Variants in FARS2 observed in about 807,000 individuals in gnomAD.
FARS2 encodes the protein phenylalanine--tRNA ligase, mitochondrial.
Under a neutral mutation model 46.4 loss-of-function variants are expected in FARS2, and 40 were observed. The observed-to-expected ratio is 0.86, with a 90% CI of 0.67 to 1.12. The LOEUF (loss-of-function observed/expected upper bound fraction) is 1.12. Ranked by LOEUF, FARS2 falls within the 50% of genes most tolerant of loss-of-function variation. The pLI, the probability that FARS2 is intolerant of heterozygous loss-of-function variation, is 0.00. For missense variants in FARS2, 513 were observed against 567.9 expected (o/e 0.90, Z 0.98); for synonymous variants, 234 against 214.9 (o/e 1.09, Z -0.78).
chr6:5,405,157 A>G (rs1325903266), intron 3 of FARS2, among the ~76,000 whole-genome samples: 1 of 152,034 alleles, frequency 6.6e-6, no homozygotes, highest in African/African-American at 2.4e-5. Context: ...CTAAACACGA[A>G]ATTCATTTGT....
intron 6 of FARS2, among the ~76,000 whole-genome samples, chr6:5,719,532 G>A (rs1759752763): frequency 6.6e-6 from 1 of 152,092 alleles, no homozygotes; most frequent in African/African-American, 2.4e-5. Context: ...GTGGGATTTT[G>A]AAAGCGGGAG....
intron 5 of FARS2, among the ~76,000 whole-genome samples, chr6:5,577,076 A>G (rs1773030071): frequency 9.8e-6 from 1 of 101,806 alleles, no homozygotes; most frequent in Non-Finnish European, 2.3e-5. Flanking sequence ...TACCAGAAAG[A>G]GACTGTAAAA....
chr6:5,333,212 C>T (rs1770922501), intron 1 of FARS2, among the ~76,000 whole-genome samples: 1 of 151,150 alleles, frequency 6.6e-6, no homozygotes, highest in Admixed American at 6.6e-5. Context: ...TTTGGTCTTA[C>T]TTGAAATAGA....
rs562509783 is a variant in FARS2 at position 5,591,565 on chromosome 6, T to A, written c.1066-21604T>A. On this transcript the variant is annotated intron_variant, in intron 5 of 6. Coordinates refer to ENST00000274680, the MANE Select transcript of FARS2 (RefSeq NM_006567.5). Reference sequence around the variant, plus strand: ...GTCCACTCGGATGACCTGTTGTGTTTCACATTCGACATAAAACTCATTCAT... The same window carrying A: ...GTCCACTCGGATGACCTGTTGTGTTACACATTCGACATAAAACTCATTCAT... 7.9e-5 allele frequency among the ~76,000 whole-genome samples: 12 copies of A among 152,362 alleles called. No individual in the cohort carries two copies. In the East Asian group the frequency reaches 1.9e-3, roughly 24 times the overall value.
rs146321509 is a variant in FARS2, at chr6:5,542,698, C to G, written c.905-2482C>G. On this transcript the variant is annotated intron_variant, in intron 4 of 6. Transcript: ENST00000274680. The stretch of plus-strand genomic sequence containing the variant: ...AATATTGGTTTATTGTAAAAAACTA[C>G]CAAACTGTTTTTGAAACTACCAAAG... Among the ~76,000 whole-genome samples, 396 of 152,270 alleles carry G rather than the reference C, an allele frequency of 2.6e-3. 3 individuals carry two copies. Among genetic ancestry groups the G allele is most frequent in the African/African-American group, 9.1e-3 (379 of 41,544 alleles).
At chr6:5,559,783 G>T (rs1385491552) in intron 5 of FARS2, among the ~76,000 whole-genome samples, 1 of 152,080 alleles carries the variant, frequency 6.6e-6, no homozygotes, top group Non-Finnish European at 1.5e-5. Flanking sequence ...TGGAACTGAT[G>T]CAAGGATCAA....
At chr6:5,459,617 AG>A (rs1765119449) in intron 4 of FARS2, among the ~76,000 whole-genome samples, 1 of 152,100 alleles carries the variant, frequency 6.6e-6, no homozygotes, top group African/African-American at 2.4e-5. Context: ...AATGATGCAG[AG>A]ACTCCATGTC....
At chr6:5,641,878 G>A (rs534420052) in intron 6 of FARS2, among the ~76,000 whole-genome samples, 3 of 152,102 alleles carry the variant, frequency 2.0e-5, no homozygotes, top group South Asian at 4.1e-4. Context: ...TGTTCTCCAC[G>A]GTCATCATCC....
intron 2 of FARS2, among the ~76,000 whole-genome samples, chr6:5,404,256 CT>C (rs527370109): frequency 1.8e-4 from 27 of 152,300 alleles, no homozygotes; most frequent in African/African-American, 5.3e-4. Flanking sequence ...GATAATGTCT[CT>C]TGTTGGGAAC....
intron 6 of FARS2, among the ~76,000 whole-genome samples, chr6:5,642,947 G>T (rs78663771): frequency 0.025 from 3,858 of 152,296 alleles, 159 homozygotes; most frequent in African/African-American, 0.087. Flanking sequence ...GTTCACGCTG[G>T]CTGTGGTTGG....
intron 1 of FARS2, among the ~76,000 whole-genome samples, chr6:5,353,726 G>GTTTTTTTTTTT (rs55998904): frequency 0.01 from 407 of 40,320 alleles, 8 homozygotes; most frequent in East Asian, 0.013. Flanking sequence ...AATATTTGGT[G>GTTTTTTTTTTT]TTTTTTTTTT....
intron 2 of FARS2, among the ~76,000 whole-genome samples, chr6:5,382,423 C>G (rs1759850989): frequency 1.3e-5 from 2 of 152,276 alleles, no homozygotes; most frequent in South Asian, 4.2e-4. Flanking sequence ...ATATGTATCC[C>G]TCTCCTTTGG....
chr6:5,564,590 G>C (rs1424260722), intron 5 of FARS2, among the ~76,000 whole-genome samples: 1 of 152,036 alleles, frequency 6.6e-6, no homozygotes, highest in Non-Finnish European at 1.5e-5. Context: ...CCTCATTTTT[G>C]GTAAAAACTA....
At chr6:5,638,578 G>T (rs886594880) in intron 6 of FARS2, among the ~76,000 whole-genome samples, 2 of 152,092 alleles carry the variant, frequency 1.3e-5, no homozygotes, top group Non-Finnish European at 2.9e-5. Flanking sequence ...AAACAAAAAA[G>T]AAAAAACAAA....
At chr6:5,264,863 A>G (rs1253808412) in intron 1 of FARS2, among the ~76,000 whole-genome samples, 3 of 151,998 alleles carry the variant, frequency 2.0e-5, no homozygotes, top group African/African-American at 7.2e-5. Flanking sequence ...GTGCTATCAT[A>G]TCTCGTTGTA....
intron 1 of FARS2, among the ~76,000 whole-genome samples, chr6:5,292,767 G>T (rs1426426004): frequency 6.6e-6 from 1 of 152,134 alleles, no homozygotes; most frequent in African/African-American, 2.4e-5. Flanking sequence ...TGTATAATTG[G>T]CAATTCAAGC....
At chr6:5,602,595 C>T (rs1312524126) in intron 5 of FARS2, among the ~76,000 whole-genome samples, 8 of 126,462 alleles carry the variant, frequency 6.3e-5, no homozygotes, top group Admixed American at 2.2e-4. Flanking sequence ...TGCAGTGAGC[C>T]GAGATCATGC....
chr6:5,413,536 G>T (rs960920269), intron 3 of FARS2, among the ~76,000 whole-genome samples: 3 of 152,162 alleles, frequency 2.0e-5, no homozygotes, highest in Non-Finnish European at 2.9e-5. Flanking sequence ...TTCATAGAAA[G>T]CTCAATTTCC....
chr6:5,653,405 A>G (rs962919287), intron 6 of FARS2, among the ~76,000 whole-genome samples: 4 of 152,256 alleles, frequency 2.6e-5, no homozygotes, highest in South Asian at 2.1e-4. Context: ...TGTTTTACCA[A>G]TTCAGACCCA....
Sources: allele counts gnomAD v4.1 joint callset (sites outside exome capture counted in the v4.1 genomes callset), GRCh38; gene constraint gnomAD v4.1.1; transcripts MANE v1.5; gene names NCBI Gene and HGNC (gene_info 2026-07-23, HGNC 2026-07-21).